The following TXLNB variants were observed in gnomAD, a reference collection of about 807,000 sequenced individuals.
TXLNB encodes taxilin beta, also known as beta-taxilin.
Under a neutral mutation model 57.4 loss-of-function variants are expected in TXLNB, and 37 were observed. The ratio of observed to expected loss-of-function variants is 0.64; its 90% CI spans 0.50 to 0.85. The LOEUF (loss-of-function observed/expected upper bound fraction) is 0.85, where lower values mean the gene tolerates loss of function less well. Ranked by LOEUF, TXLNB falls within the 40% of genes least tolerant of loss-of-function variation. The pLI, the probability that TXLNB is intolerant of heterozygous loss-of-function variation, is 0.00. For synonymous variants in TXLNB, 302 were observed against 309.6 expected (o/e 0.98, Z 0.26); for missense variants, 848 against 825.6 (o/e 1.03, Z -0.33).
At chr6:139,171,350 A>G in the TXLNB span, among the ~76,000 whole-genome samples, 18 of 152,356 alleles carry the variant, frequency 1.2e-4, no homozygotes, top group Admixed American at 9.1e-4. Flanking sequence ...GTATATATAC[A>G]CATCAAAACA....
At chr6:139,163,944 C>T in the TXLNB span, among the ~76,000 whole-genome samples, 1 of 152,154 alleles carries the variant, frequency 6.6e-6, no homozygotes, top group African/African-American at 2.4e-5. Flanking sequence ...CTCAGTGGTA[C>T]ACAGGCACTT....
the TXLNB span, among the ~76,000 whole-genome samples, chr6:139,227,233 G>C: frequency 2.0e-5 from 3 of 152,224 alleles, no homozygotes; most frequent in South Asian, 6.2e-4. Flanking sequence ...CAGTTACTCA[G>C]GAGGCTGAGG....
chr6:139,247,532 C>CTTTT (rs61368061), intron 8 of TXLNB, among the ~76,000 whole-genome samples: 39 of 63,036 alleles, frequency 6.2e-4, no homozygotes, highest in East Asian at 9.5e-4. Flanking sequence ...CTCTGGTCTT[C>CTTTT]TTTTTTTTTT....
At chr6:139,233,238 AT>A in the TXLNB span, among the ~76,000 whole-genome samples, 4 of 151,408 alleles carry the variant, frequency 2.6e-5, no homozygotes, top group African/African-American at 9.7e-5. Flanking sequence ...TATATACTGG[AT>A]GCTGACAGTG....
chr6:139,187,496 CCTA>C, the TXLNB span, among the ~76,000 whole-genome samples: 8 of 151,582 alleles, frequency 5.3e-5, no homozygotes, highest in Admixed American at 4.6e-4. Context: ...CTCAAAGCAT[CCTA>C]CTGAGTTATC....
At chr6:139,233,299 T>A in the TXLNB span, among the ~76,000 whole-genome samples, 4 of 149,734 alleles carry the variant, frequency 2.7e-5, no homozygotes, top group Non-Finnish European at 5.9e-5. Flanking sequence ...ATTTTCTGAA[T>A]GTTTATTATG....
At chr6:139,277,127 G>T (rs945235074) in intron 2 of TXLNB, 1 of 495,070 alleles carries the variant, frequency 2.0e-6, no homozygotes, top group African/African-American at 2.0e-5. Flanking sequence ...TGTGTGGTAC[G>T]GTGTGAGGTT....
chr6:139,257,865 T>C (rs1294545201), intron 6 of TXLNB, among the ~76,000 whole-genome samples: 1 of 152,178 alleles, frequency 6.6e-6, no homozygotes, highest in Admixed American at 6.5e-5. Flanking sequence ...TCTCCATTTG[T>C]AAAATGGGTT....
intron 4 of TXLNB, among the ~76,000 whole-genome samples, chr6:139,265,757 G>A (rs1776599656): frequency 6.6e-6 from 1 of 152,220 alleles, no homozygotes; most frequent in Admixed American, 6.5e-5. Flanking sequence ...ACTTGTACAT[G>A]AGTTTCCTAT....
chr6:139,224,235 G>A, the TXLNB span, among the ~76,000 whole-genome samples: 1 of 146,990 alleles, frequency 6.8e-6, no homozygotes, highest in South Asian at 2.1e-4. Context: ...TCATAGGTGG[G>A]AATTGAACAA....
At chr6:139,178,635 T>A in the TXLNB span, 1 of 151,566 alleles carries the variant, frequency 6.6e-6, no homozygotes, top group African/African-American at 2.4e-5. Context: ...AGTGCAGTAG[T>A]GCGATCTCAG....
the TXLNB span, among the ~76,000 whole-genome samples, chr6:139,229,397 A>C: frequency 2.0e-5 from 3 of 152,252 alleles, no homozygotes; most frequent in East Asian, 5.8e-4. Context: ...GTCTTGGTTT[A>C]CTGCAAACTC....
chr6:139,303,603 T>C, the TXLNB span, among the ~76,000 whole-genome samples: 3 of 152,018 alleles, frequency 2.0e-5, no homozygotes, highest in African/African-American at 7.2e-5. Flanking sequence ...CTTGGCACTC[T>C]TAGGCAAATG....
At chr6:139,203,061 A>G in the TXLNB span, among the ~76,000 whole-genome samples, 5 of 152,240 alleles carry the variant, frequency 3.3e-5, no homozygotes, top group Admixed American at 1.3e-4. Flanking sequence ...GTATTCCATT[A>G]TTTGTATATA....
chr6:139,256,659 C>A (rs865932757), intron 6 of TXLNB, among the ~76,000 whole-genome samples: 3 of 152,250 alleles, frequency 2.0e-5, no homozygotes, highest in African/African-American at 7.2e-5. Context: ...CATCCAGAAT[C>A]ATTCTCCTAG....
At chr6:139,236,131 G>A (rs138561889), downstream of TXLNB, among the ~76,000 whole-genome samples, 1,390 of 152,262 alleles carry the variant, frequency 9.1e-3, 14 homozygotes, top group Non-Finnish European at 0.014. Context: ...AAGCCCACGT[G>A]TGATCCAATT....
intron 2 of TXLNB, among the ~76,000 whole-genome samples, chr6:139,280,443 A>G (rs956680655): frequency 6.6e-6 from 1 of 152,116 alleles, no homozygotes; most frequent in African/African-American, 2.4e-5. Context: ...GGTCGGGAGA[A>G]CCAGCCTGGC....
the TXLNB span, among the ~76,000 whole-genome samples, chr6:139,209,305 C>G: frequency 0.12 from 17,623 of 152,092 alleles, 1,140 homozygotes; most frequent in African/African-American, 0.16. Context: ...ATAGATGGCA[C>G]AAATGGAAAC....
chr6:139,261,609 T>C lies in TXLNB; in HGVS notation c.882+970A>G, dbSNP rs1159471232. On this transcript the variant is annotated intron_variant, in intron 5 of 9. Coordinates refer to ENST00000358430, the MANE Select transcript of TXLNB (RefSeq NM_153235.4). ...ATAATTTGGGTATAACAAAAGACCT[T>C]GATCATCCCCCTAATATAACCTATT... 2.6e-5 allele frequency among the ~76,000 whole-genome samples: 4 copies of C among 152,256 alleles called. No individual in the cohort carries two copies. In the East Asian group the frequency reaches 7.7e-4, roughly 29 times the overall value.
Sources: gnomAD v4.1 joint callset for allele counts (sites outside exome capture counted in the v4.1 genomes callset) on GRCh38, gnomAD v4.1.1 for gene constraint, MANE v1.5 for transcripts, NCBI Gene and HGNC (gene_info 2026-07-23, HGNC 2026-07-21) for gene names.